Variants in SPATA6 observed in about 807,000 individuals in gnomAD.
SPATA6 encodes spermatogenesis associated 6, also known as spermatogenesis-associated protein 6.
SPATA6 carries 56 observed loss-of-function variants against 65.3 expected under a neutral mutation model. The ratio of observed to expected loss-of-function variants is 0.86; its 90% CI spans 0.69 to 1.07. The LOEUF (loss-of-function observed/expected upper bound fraction) is 1.07. SPATA6 is among the 50% of genes least tolerant of loss of function. SPATA6 has a pLI of 0.00. For synonymous variants in SPATA6, 199 were observed against 213.2 expected (o/e 0.93, Z 0.58); for missense variants, 590 against 594.8 (o/e 0.99, Z 0.08).
chr1:48,279,898 C>T, the SPATA6 span, among the ~76,000 whole-genome samples: 1,493 of 152,262 alleles, frequency 9.8e-3, 30 homozygotes, highest in African/African-American at 0.034. Flanking sequence ...AGCACCACAC[C>T]ACACCTATTC....
chr1:48,275,530 T>C, the SPATA6 span, among the ~76,000 whole-genome samples: 4 of 152,284 alleles, frequency 2.6e-5, no homozygotes, highest in South Asian at 6.2e-4. Flanking sequence ...ACCTAGTTCA[T>C]TGAGAGTTTT....
chr1:48,413,028 A>G (rs949705305), intron 4 of SPATA6, 82 bp downstream of exon 4: 2 of 412,692 alleles, frequency 4.8e-6, no homozygotes, highest in Non-Finnish European at 7.5e-6. Flanking sequence ...CAAATAATAT[A>G]GTATAATCAA....
the SPATA6 span, among the ~76,000 whole-genome samples, chr1:48,276,303 A>AT: frequency 6.6e-6 from 1 of 151,912 alleles, no homozygotes; most frequent in African/African-American, 2.4e-5. Flanking sequence ...GGAGTCATTC[A>AT]TTTTTTTGAA....
intron 11 of SPATA6, among the ~76,000 whole-genome samples, chr1:48,313,180 G>A (rs1645278869): frequency 6.6e-6 from 1 of 152,058 alleles, no homozygotes; most frequent in African/African-American, 2.4e-5. Flanking sequence ...TTCAAATTCA[G>A]GAAATACAGA....
intron 11 of SPATA6, among the ~76,000 whole-genome samples, chr1:48,347,990 T>C (rs1646417083): frequency 1.3e-5 from 2 of 151,994 alleles, no homozygotes; most frequent in Non-Finnish European, 2.9e-5. Flanking sequence ...CCCTAGCCTC[T>C]GAATTCTCAG....
chr1:48,365,139 T>G (rs1646956637), intron 9 of SPATA6, among the ~76,000 whole-genome samples: 1 of 152,350 alleles, frequency 6.6e-6, no homozygotes, highest in Non-Finnish European at 1.5e-5. Flanking sequence ...GAGGGCTCTG[T>G]TCTGTTCCAT....
At chr1:48,292,438 A>G (rs1222860107), downstream of SPATA6, among the ~76,000 whole-genome samples, 2 of 152,208 alleles carry the variant, frequency 1.3e-5, no homozygotes, top group Admixed American at 1.3e-4. Flanking sequence ...TAGTGGTGCC[A>G]CTGGATATAG....
At position 48,453,029 on chromosome 1, in the gene SPATA6, G is replaced by A. The variant is rs147236290; in HGVS notation, c.154C>T (p.Pro52Ser). The A allele has an allele frequency of 2.5e-5, 41 of 1,613,682 alleles. No homozygotes were observed. The highest frequency in any genetic ancestry group is 2.3e-5 in the Non-Finnish European group (27 of 1,179,904). The change falls in exon 2 of 13, where the codon CCC becomes TCC. Residue 52 changes from proline to serine, a missense_variant. Coordinates refer to ENST00000371847, the MANE Select transcript of SPATA6 (RefSeq NM_019073.4). ...ACCATTCTGGCATTGAAGACCAGGG[G>A]AAAAGTGGCTGGGACACATTGTGTC... is the stretch of plus-strand genomic sequence containing the variant. Reference protein sequence around the residue: ...KKTQCVPATFPLVFNARMVFE... With the variant: ...KKTQCVPATFSLVFNARMVFE...
chr1:48,273,528 T>C, the SPATA6 span, among the ~76,000 whole-genome samples: 1 of 152,108 alleles, frequency 6.6e-6, no homozygotes, highest in Non-Finnish European at 1.5e-5. Flanking sequence ...GGTGTGATGT[T>C]CCCCTTGCTG....
chr1:48,287,134 C>T, the SPATA6 span, among the ~76,000 whole-genome samples: 1 of 151,698 alleles, frequency 6.6e-6, no homozygotes, highest in Non-Finnish European at 1.5e-5. Context: ...CCTCAGGAAG[C>T]TTCCAATCAT....
At chr1:48,438,878 C>T (rs1655191778) in intron 3 of SPATA6, among the ~76,000 whole-genome samples, 1 of 152,118 alleles carries the variant, frequency 6.6e-6, no homozygotes, top group African/African-American at 2.4e-5. Flanking sequence ...CCCAAAGCCC[C>T]ATCAGGTGGG....
the SPATA6 span, among the ~76,000 whole-genome samples, chr1:48,274,361 T>C: frequency 1.3e-5 from 2 of 152,036 alleles, no homozygotes; most frequent in African/African-American, 4.8e-5. Flanking sequence ...TCCCGTTGTA[T>C]ATTTTGGTTT....
At chr1:48,458,624 C>T (rs890689661) in intron 1 of SPATA6, among the ~76,000 whole-genome samples, 4 of 152,074 alleles carry the variant, frequency 2.6e-5, no homozygotes, top group Non-Finnish European at 4.4e-5. Context: ...AAAGAAAGTA[C>T]TGATACGTGC....
chr1:48,280,801 G>C, the SPATA6 span, among the ~76,000 whole-genome samples: 6 of 152,088 alleles, frequency 3.9e-5, no homozygotes, highest in East Asian at 7.7e-4. Context: ...CCAATCAATA[G>C]AAAAAGAGGG....
At chr1:48,397,517 A>G (rs1421205729) in intron 7 of SPATA6, among the ~76,000 whole-genome samples, 1 of 151,722 alleles carries the variant, frequency 6.6e-6, no homozygotes, top group Non-Finnish European at 1.5e-5. Flanking sequence ...TCTTGGAAGC[A>G]CGCTAATTGA....
intron 1 of SPATA6, among the ~76,000 whole-genome samples, chr1:48,453,730 G>A (rs1028506975): frequency 2.0e-5 from 3 of 151,980 alleles, no homozygotes; most frequent in Admixed American, 1.3e-4. Flanking sequence ...CCATTACAAC[G>A]AAAGCTCCCA....
the SPATA6 span, among the ~76,000 whole-genome samples, chr1:48,268,172 G>A: frequency 6.6e-6 from 1 of 152,050 alleles, no homozygotes; most frequent in African/African-American, 2.4e-5. Context: ...GTGGGCACAG[G>A]TCCAAGGGTG....
chr1:48,469,957 A>T (rs549090023), intron 1 of SPATA6, among the ~76,000 whole-genome samples: 1 of 152,304 alleles, frequency 6.6e-6, no homozygotes, highest in Admixed American at 6.5e-5. Context: ...AGCCATGCTG[A>T]GCATCGATTT....
chr1:48,421,576 CTT>C (rs953176631), intron 3 of SPATA6, among the ~76,000 whole-genome samples: 1 of 151,864 alleles, frequency 6.6e-6, no homozygotes, highest in Non-Finnish European at 1.5e-5. Flanking sequence ...ACTGAAAAGA[CTT>C]AAGACATAAT....
Sources: allele counts gnomAD v4.1 joint callset (sites outside exome capture counted in the v4.1 genomes callset), GRCh38; gene constraint gnomAD v4.1.1; transcripts MANE v1.5; gene names NCBI Gene and HGNC (gene_info 2026-07-23, HGNC 2026-07-21).